LINGO2: variants seen among roughly 807,000 people sequenced by gnomAD.
LINGO2 encodes the protein leucine-rich repeat and immunoglobulin-like domain-containing nogo receptor-interacting protein 2.
LINGO2 carries 14 observed loss-of-function variants against 30.6 expected under a neutral mutation model. The ratio of observed to expected loss-of-function variants is 0.46; its 90% CI spans 0.30 to 0.72. LINGO2 has a LOEUF of 0.72. LINGO2 is among the 30% of genes least tolerant of loss of function. LINGO2 has a pLI of 0.07. For missense variants in LINGO2, 729 were observed against 751.7 expected, an observed-to-expected ratio of 0.97 and a Z score of 0.35; for synonymous variants, 317 against 288.5, an observed-to-expected ratio of 1.10 and a Z score of -1.00.
At chr9:28,210,525 G>T (rs1049781485) in intron 4 of LINGO2, among the ~76,000 whole-genome samples, 1 of 151,606 alleles carries the variant, frequency 6.6e-6, no homozygotes, top group African/African-American at 2.4e-5. Context: ...TACTGTTTTT[G>T]TGCCATTACA....
At chr9:28,595,516 T>C (rs988434435) in intron 1 of LINGO2, among the ~76,000 whole-genome samples, 14 of 152,134 alleles carry the variant, frequency 9.2e-5, no homozygotes, top group Non-Finnish European at 1.2e-4. Context: ...TCTCAGGGTT[T>C]AAAGAATGAG....
the LINGO2 span, among the ~76,000 whole-genome samples, chr9:29,156,737 T>A: frequency 0.027 from 4,160 of 152,148 alleles, 182 homozygotes; most frequent in African/African-American, 0.094. Context: ...AGTATCAATT[T>A]CACATGATAC....
At chr9:29,132,514 T>C in the LINGO2 span, among the ~76,000 whole-genome samples, 1 of 152,140 alleles carries the variant, frequency 6.6e-6, no homozygotes, top group Admixed American at 6.6e-5. Context: ...TTACATCAGG[T>C]GTAACCAAGT....
the LINGO2 span, among the ~76,000 whole-genome samples, chr9:28,696,280 G>C: frequency 5.9e-4 from 89 of 152,020 alleles, 3 homozygotes; most frequent in East Asian, 0.017. Context: ...ACTTTTTAAA[G>C]GTAGACTTCT....
chr9:28,155,362 C>G (rs1337714072), intron 4 of LINGO2, among the ~76,000 whole-genome samples: 1 of 152,312 alleles, frequency 6.6e-6, no homozygotes, highest in East Asian at 1.9e-4. Context: ...CCTATATCAT[C>G]TCTTTAAGGT....
At chr9:28,171,775 G>A (rs902477993) in intron 4 of LINGO2, among the ~76,000 whole-genome samples, 8 of 151,460 alleles carry the variant, frequency 5.3e-5, no homozygotes, top group East Asian at 1.9e-4. Context: ...TTGGGAGGCC[G>A]AGGCAGGCGG....
intron 4 of LINGO2, among the ~76,000 whole-genome samples, chr9:28,269,957 T>C (rs986409138): frequency 2.6e-5 from 4 of 152,044 alleles, no homozygotes; most frequent in Admixed American, 6.6e-5. Context: ...AATAATGCAA[T>C]GAGTTAAGTG....
intron 4 of LINGO2, among the ~76,000 whole-genome samples, chr9:28,198,668 C>T (rs561270649): frequency 4.7e-4 from 72 of 152,204 alleles, no homozygotes; most frequent in Admixed American, 3.9e-4. Context: ...TTCCACTATA[C>T]TTTTTGGTTT....
the LINGO2 span, among the ~76,000 whole-genome samples, chr9:28,781,516 T>C: frequency 7.2e-5 from 11 of 152,146 alleles, no homozygotes; most frequent in African/African-American, 2.2e-4. Flanking sequence ...TTGGCACTAT[T>C]TCCTGCTTTA....
chr9:27,950,115 T>C (rs1053708216), exon 6 of LINGO2: 5 of 1,613,930 alleles, frequency 3.1e-6, no homozygotes, highest in Non-Finnish European at 4.2e-6. Flanking sequence ...TAAGTTGCAT[T>C]TCTCCAGGGT....
At chr9:28,861,573 C>G in the LINGO2 span, among the ~76,000 whole-genome samples, 1 of 149,874 alleles carries the variant, frequency 6.7e-6, no homozygotes, top group East Asian at 2.0e-4. Context: ...GATTGTGTTG[C>G]TACAAAAATA....
At chr9:28,916,116 T>C in the LINGO2 span, among the ~76,000 whole-genome samples, 2 of 152,148 alleles carry the variant, frequency 1.3e-5, no homozygotes, top group Admixed American at 1.3e-4. Flanking sequence ...AATTCAGGCA[T>C]GATTGACCAG....
At chr9:29,116,516 A>G in the LINGO2 span, among the ~76,000 whole-genome samples, 1 of 152,088 alleles carries the variant, frequency 6.6e-6, no homozygotes, top group Non-Finnish European at 1.5e-5. Flanking sequence ...CTTTTCATTC[A>G]CTGCAAGGGC....
At chr9:28,874,096 T>C in the LINGO2 span, among the ~76,000 whole-genome samples, 1 of 152,038 alleles carries the variant, frequency 6.6e-6, no homozygotes, top group African/African-American at 2.4e-5. Flanking sequence ...GCCCATATCA[T>C]GAAGACTTAG....
chr9:28,486,947 G>T (rs181432749), intron 1 of LINGO2, among the ~76,000 whole-genome samples: 1 of 152,132 alleles, frequency 6.6e-6, no homozygotes, highest in African/African-American at 2.4e-5. Flanking sequence ...CATTTAAGAG[G>T]CTGAGTGCCA....
At chr9:28,155,973 G>C (rs183252396) in intron 4 of LINGO2, among the ~76,000 whole-genome samples, 2 of 152,252 alleles carry the variant, frequency 1.3e-5, no homozygotes, top group African/African-American at 4.8e-5. Context: ...ATAAATTTCT[G>C]TTGTCCACGA....
chr9:27,965,504 T>C (rs562046318), intron 5 of LINGO2, among the ~76,000 whole-genome samples: 3 of 152,168 alleles, frequency 2.0e-5, no homozygotes, highest in South Asian at 4.1e-4. Context: ...CTCAGTCATC[T>C]TTCCAATGGA....
At chr9:28,247,192 C>A (rs1165383508) in intron 4 of LINGO2, among the ~76,000 whole-genome samples, 1 of 152,150 alleles carries the variant, frequency 6.6e-6, no homozygotes, top group Non-Finnish European at 1.5e-5. Flanking sequence ...GACAGTGTGG[C>A]GATTCCTCAA....
At chr9:28,709,874 T>C in the LINGO2 span, among the ~76,000 whole-genome samples, 21 of 152,008 alleles carry the variant, frequency 1.4e-4, no homozygotes, top group Admixed American at 1.3e-4. Context: ...AATATGCCAA[T>C]GTCTCTTGAT....
Sources: allele counts gnomAD v4.1 joint callset (sites outside exome capture counted in the v4.1 genomes callset), GRCh38; gene constraint gnomAD v4.1.1; transcripts MANE v1.5; gene names NCBI Gene and HGNC (gene_info 2026-07-23, HGNC 2026-07-21).